Variants in SMG7 observed in about 807,000 individuals in gnomAD.
SMG7 encodes SMG7 nonsense mediated mRNA decay factor, also known as nonsense-mediated mRNA decay factor SMG7.
A neutral mutation model predicts 148.2 loss-of-function variants in SMG7; 34 were observed. The ratio of observed to expected loss-of-function variants is 0.23; its 90% CI spans 0.17 to 0.31. The LOEUF is 0.31. Among genes scored for constraint, SMG7 ranks in the 10% least tolerant of loss-of-function variants. The pLI is 1.00. For missense variants in SMG7, 1,114 were observed against 1,408.4 expected, an observed-to-expected ratio of 0.79 and a Z score of 3.35; for synonymous variants, 492 against 515.1, an observed-to-expected ratio of 0.96 and a Z score of 0.61.
chr1:183,504,901 A>G (rs964016226), intron 1 of SMG7, among the ~76,000 whole-genome samples: 32 of 152,022 alleles, frequency 2.1e-4, no homozygotes, highest in African/African-American at 7.2e-4. Context: ...CCAACCTCCA[A>G]TTTTATTCTG....
At chr1:183,529,771 A>G (rs1365290265) in intron 8 of SMG7, among the ~76,000 whole-genome samples, 1 of 152,194 alleles carries the variant, frequency 6.6e-6, no homozygotes, top group African/African-American at 2.4e-5. Flanking sequence ...TTTGACAAAA[A>G]TTATCAAAGT....
intron 14 of SMG7, 94 bp from the exon 15 acceptor site, chr1:183,544,259 T>G: frequency 1.1e-6 from 1 of 917,556 alleles, no homozygotes. Context: ...TTTGATCTAA[T>G]GAGGTTTTAA....
At position 183,552,516 on chromosome 1, in the gene SMG7, G is replaced by A; in HGVS notation, c.*585G>A. On this transcript the variant is annotated 3_prime_UTR_variant, in exon 23 of 23. Coordinates refer to ENST00000688051, the MANE Select transcript of SMG7 (RefSeq NM_001375584.1). ...CTCCTGTGAGAGGTTGGTGGTGACA[G>A]GATGGGGAACCGACCTCTTCAGCCA... 2 of 998,880 alleles carry A rather than the reference G, an allele frequency of 2.0e-6. No individual in the cohort carries two copies. The highest frequency in any genetic ancestry group is 2.4e-6 in the Non-Finnish European group (2 of 837,534). 61.9% of individuals were successfully genotyped at this position (998,880 alleles called of 1,614,324 possible). A position where few individuals can be genotyped will look rare whatever the true frequency, so the allele number is the denominator to read the frequency against.
chr1:183,491,989 A>T (rs1657164195), intron 1 of SMG7, among the ~76,000 whole-genome samples: 1 of 152,226 alleles, frequency 6.6e-6, no homozygotes, highest in Non-Finnish European at 1.5e-5. Context: ...TATGGCACTG[A>T]TCTCATCCAT....
intron 13 of SMG7, 78 bp downstream of exon 13, chr1:183,541,181 C>A: frequency 1.6e-6 from 2 of 1,241,866 alleles, no homozygotes; most frequent in South Asian, 1.3e-5. Flanking sequence ...CGCGCGCACA[C>A]ACACACATCT....
chr1:183,546,376 G>GGTCTGAGGTTGACTGTCTTTTGAA, intron 17 of SMG7, 39 bp downstream of exon 17: 1 of 1,569,438 alleles, frequency 6.4e-7, no homozygotes, highest in Non-Finnish European at 8.6e-7. Flanking sequence ...TTTGGAGATA[G>GGTCTGAGGTTGACTGTCTTTTGAA]GTCTGAGGTT....
chr1:183,522,728 G>A (rs1466159916), intron 4 of SMG7, among the ~76,000 whole-genome samples: 1 of 151,584 alleles, frequency 6.6e-6, no homozygotes, highest in Non-Finnish European at 1.5e-5. Context: ...GAAGAGACTA[G>A]TACTTGGTTA....
intron 10 of SMG7, among the ~76,000 whole-genome samples, chr1:183,534,378 A>T (rs1667373834): frequency 6.6e-6 from 1 of 152,218 alleles, no homozygotes; most frequent in Non-Finnish European, 1.5e-5. Context: ...TGACAAATGA[A>T]AACTTTCAGT....
intron 1 of SMG7, among the ~76,000 whole-genome samples, chr1:183,489,230 C>G (rs963273590): frequency 6.6e-6 from 1 of 151,990 alleles, no homozygotes; most frequent in Non-Finnish European, 1.5e-5. Flanking sequence ...GTGCTAAGTA[C>G]TGTGTTAAAT....
intron 1 of SMG7, among the ~76,000 whole-genome samples, chr1:183,474,873 G>T (rs1473835553): frequency 6.6e-6 from 1 of 152,176 alleles, no homozygotes; most frequent in African/African-American, 2.4e-5. Context: ...ATTGAGAAGC[G>T]GGGAATTCCA....
At chr1:183,480,512 T>C (rs915113901) in intron 1 of SMG7, among the ~76,000 whole-genome samples, 5 of 152,264 alleles carry the variant, frequency 3.3e-5, no homozygotes, top group South Asian at 2.1e-4. Flanking sequence ...CTCACACTTT[T>C]GTTTTCCTTC....
At chr1:183,521,670 A>T (rs1389697491) in intron 4 of SMG7, among the ~76,000 whole-genome samples, 1 of 152,066 alleles carries the variant, frequency 6.6e-6, no homozygotes, top group Non-Finnish European at 1.5e-5. Flanking sequence ...ACTTGAGACC[A>T]GCCTGGGTAA....
intron 12 of SMG7, 53 bp downstream of exon 12, chr1:183,538,493 T>C: frequency 8.0e-7 from 1 of 1,243,514 alleles, no homozygotes; most frequent in South Asian, 1.2e-5. Context: ...AGTATTAAAA[T>C]TAGCAGAGAA....
At chr1:183,505,825 A>T (rs1371125256) in intron 1 of SMG7, among the ~76,000 whole-genome samples, 2 of 152,184 alleles carry the variant, frequency 1.3e-5, no homozygotes, top group African/African-American at 4.8e-5. Flanking sequence ...CTTTTGGCTT[A>T]ACTTACCAGG....
chr1:183,539,147 G>A (rs921998281), intron 12 of SMG7, among the ~76,000 whole-genome samples: 4 of 151,814 alleles, frequency 2.6e-5, no homozygotes, highest in East Asian at 1.9e-4. Flanking sequence ...GTGAGACTCC[G>A]TCTCAAAAAA....
intron 3 of SMG7, 170 bp from the exon 4 acceptor site, chr1:183,517,518 T>G (rs1663814974): frequency 2.9e-6 from 2 of 683,840 alleles, no homozygotes; most frequent in East Asian, 5.5e-5. Context: ...GCATGTCTAG[T>G]CTTGTTCAAA....
Position 183,552,602 on chromosome 1 carries a change from C to T in SMG7, c.*671C>T. Reference sequence around the variant, plus strand: ...TCAGAAGGCTCTGGTAGGCCTTCCTCTGGCCAGGAGACTCCAGCAGGGAAT... The same window carrying T: ...TCAGAAGGCTCTGGTAGGCCTTCCTTTGGCCAGGAGACTCCAGCAGGGAAT... On this transcript the variant is annotated 3_prime_UTR_variant, in exon 23 of 23. Transcript: ENST00000688051. 1 of 1,023,486 alleles carries T rather than the reference C, an allele frequency of 9.8e-7. No homozygotes were observed. Among genetic ancestry groups the T allele is most frequent in the Non-Finnish European group, 1.2e-6 (1 of 852,630 alleles). 63.4% of individuals were successfully genotyped at this position (1,023,486 alleles called of 1,614,324 possible).
Position 183,472,561 on chromosome 1 carries a change from C to A in SMG7, c.-60C>A. 7.3e-7 allele frequency: 1 copy of A among 1,368,736 alleles called. No homozygotes were observed. Among genetic ancestry groups the A allele is most frequent in the South Asian group, 1.6e-5 (1 of 61,208 alleles). 84.8% of individuals were successfully genotyped at this position (1,368,736 alleles called of 1,614,324 possible). ...GCACCCGCGGTGCCGCGGGGCCGCT[C>A]CGAGGAGCCTGAGAGACCCACGGAG... is the stretch of plus-strand genomic sequence containing the variant. On this transcript the variant is annotated 5_prime_UTR_variant, in exon 1 of 23. Transcript: ENST00000688051.
chr1:183,533,039 C>T (rs1275510714), intron 8 of SMG7, 125 bp from the exon 9 acceptor site: 2 of 753,630 alleles, frequency 2.7e-6, no homozygotes, highest in Non-Finnish European at 4.4e-6. Flanking sequence ...AGGGCAGAAC[C>T]ATTTACTCAT....
Sources: allele counts gnomAD v4.1 joint callset (sites outside exome capture counted in the v4.1 genomes callset), GRCh38; gene constraint gnomAD v4.1.1; transcripts MANE v1.5; gene names NCBI Gene and HGNC (gene_info 2026-07-23, HGNC 2026-07-21).